Variants in ITPR1 observed in about 807,000 individuals in gnomAD.
ITPR1 encodes inositol 1,4,5-trisphosphate-gated calcium channel ITPR1.
In ITPR1, 96 loss-of-function variants were observed where a neutral mutation model predicts 318.4. The observed-to-expected ratio is 0.30, with a 90% CI of 0.26 to 0.36. The LOEUF (loss-of-function observed/expected upper bound fraction) is 0.36, where lower values mean the gene tolerates loss of function less well. Ranked by LOEUF, ITPR1 falls within the 10% of genes least tolerant of loss-of-function variation. ITPR1 has a pLI of 1.00. For synonymous variants in ITPR1, 1,312 were observed against 1,289.9 expected (o/e 1.02, Z -0.37); for missense variants, 2,440 against 3,460.2 (o/e 0.71, Z 7.40).
intron 61 of ITPR1, among the ~76,000 whole-genome samples, chr3:4,838,204 T>C (rs1360858061): frequency 6.6e-6 from 1 of 152,170 alleles, no homozygotes; most frequent in African/African-American, 2.4e-5. Context: ...AAAAGACTAG[T>C]AGGAAAAGAA....
At chr3:4,647,015 T>A (rs1269750510) in intron 10 of ITPR1, among the ~76,000 whole-genome samples, 1 of 152,116 alleles carries the variant, frequency 6.6e-6, no homozygotes, top group Non-Finnish European at 1.5e-5. Flanking sequence ...AACCAGCACC[T>A]AGAACAAGAA....
At chr3:4,521,861 C>A (rs1289586878) in intron 4 of ITPR1, among the ~76,000 whole-genome samples, 2 of 151,020 alleles carry the variant, frequency 1.3e-5, no homozygotes, top group Non-Finnish European at 2.9e-5. Context: ...CAAAGTGAGA[C>A]CCTGTCTCAA....
At chr3:4,681,622 A>AGAG (rs1491390120) in intron 26 of ITPR1, among the ~76,000 whole-genome samples, 6 of 51,148 alleles carry the variant, frequency 1.2e-4, no homozygotes, top group African/African-American at 4.5e-4. Flanking sequence ...AGAGAGAGAG[A>AGAG]AAGTGTGTGT....
intron 10 of ITPR1, among the ~76,000 whole-genome samples, chr3:4,651,791 C>T (rs17041104): frequency 0.16 from 24,128 of 152,200 alleles, 2,242 homozygotes; most frequent in African/African-American, 0.24. Context: ...CAGTTCTCCA[C>T]GAAAGTCCTT....
intron 2 of ITPR1, among the ~76,000 whole-genome samples, chr3:4,511,785 C>G (rs1199157762): frequency 6.6e-6 from 1 of 152,140 alleles, no homozygotes; most frequent in Non-Finnish European, 1.5e-5. Flanking sequence ...CTGCCATGGG[C>G]TGAGAGGTGC....
Position 4,814,575 on chromosome 3 carries a change from C to T in ITPR1, c.7701+13C>T, listed in dbSNP as rs529991561. 3.6e-5 allele frequency: 43 copies of T among 1,200,942 alleles called. No homozygotes were observed. Among genetic ancestry groups the T allele is most frequent in the Non-Finnish European group, 4.7e-5 (41 of 864,574 alleles). The allele number at this position is 1,200,942 out of a possible 1,614,324, so 74.4% of individuals were successfully genotyped here. On this transcript the variant is annotated intron_variant, in intron 58 of 61. Coordinates refer to ENST00000649015, the MANE Select transcript of ITPR1 (RefSeq NM_001378452.1). ...GCCGTCCAAAGAGGTAAATTAATCC[C>T]GAGGGGAAGGAAGGGCAAAGGGGGC...
At chr3:4,645,797 C>CTG in intron 10 of ITPR1, 69 bp downstream of exon 10, 1 of 1,420,182 alleles carries the variant, frequency 7.0e-7, no homozygotes, top group Non-Finnish European at 9.7e-7. Context: ...CTCTCTCTCT[C>CTG]TCTATCCTAC....
chr3:4,523,979 C>T (rs2082766751), intron 4 of ITPR1, among the ~76,000 whole-genome samples: 1 of 152,170 alleles, frequency 6.6e-6, no homozygotes, highest in African/African-American at 2.4e-5. Context: ...CAGGTGGTCA[C>T]GTGACAGTGA....
intron 4 of ITPR1, among the ~76,000 whole-genome samples, chr3:4,561,518 C>T (rs78044553): frequency 4.7e-3 from 709 of 152,194 alleles, no homozygotes; most frequent in Non-Finnish European, 8.1e-3. Flanking sequence ...GAACGAAACT[C>T]ACTACATTTC....
chr3:4,785,961 G>C (rs2047170185), intron 51 of ITPR1, among the ~76,000 whole-genome samples: 2 of 152,188 alleles, frequency 1.3e-5, no homozygotes, highest in Admixed American at 6.5e-5. Flanking sequence ...TCGATGCAAA[G>C]CCAGGGACAC....
chr3:4,732,759 A>G (rs2043014505), intron 42 of ITPR1, among the ~76,000 whole-genome samples: 1 of 152,178 alleles, frequency 6.6e-6, no homozygotes, highest in East Asian at 1.9e-4. Context: ...AAGCCTTTTC[A>G]ATTTGTCTTA....
intron 60 of ITPR1, among the ~76,000 whole-genome samples, chr3:4,820,319 G>A (rs1454718159): frequency 6.6e-6 from 1 of 152,156 alleles, no homozygotes; most frequent in Admixed American, 6.5e-5. Flanking sequence ...TCTCACCCCT[G>A]ACTTTGTTCT....
intron 24 of ITPR1, among the ~76,000 whole-genome samples, chr3:4,678,489 G>GTACT (rs1193532434): frequency 2.0e-5 from 3 of 152,098 alleles, no homozygotes. Context: ...CTTTCCACGG[G>GTACT]TACTTATTGA....
At chr3:4,776,512 A>G (rs2046496877) in intron 47 of ITPR1, among the ~76,000 whole-genome samples, 1 of 152,164 alleles carries the variant, frequency 6.6e-6, no homozygotes, top group Non-Finnish European at 1.5e-5. Context: ...TCAGAGGAGA[A>G]CGGTTTATGA....
At chr3:4,554,613 G>A (rs2085935913) in intron 4 of ITPR1, among the ~76,000 whole-genome samples, 1 of 152,066 alleles carries the variant, frequency 6.6e-6, no homozygotes, top group Non-Finnish European at 1.5e-5. Context: ...TGTGGCTACA[G>A]GTTACATCAA....
intron 44 of ITPR1, among the ~76,000 whole-genome samples, chr3:4,761,597 T>C (rs1371913285): frequency 6.6e-6 from 1 of 152,232 alleles, no homozygotes; most frequent in Non-Finnish European, 1.5e-5. Flanking sequence ...GTTGAAGGGC[T>C]ACCTCACACC....
At position 4,599,618 on chromosome 3, in the gene ITPR1, G is replaced by A. The variant is rs143578257; in HGVS notation, c.164-28145G>A. 2.6e-5 allele frequency among the ~76,000 whole-genome samples: 4 copies of A among 152,290 alleles called. No homozygotes were observed. The East Asian group carries it at 7.7e-4, about 29-fold the overall frequency. On this transcript the variant is annotated intron_variant, in intron 4 of 61. Transcript: ENST00000649015. ...CAGTTGGGTTTGTGATGCTGTACTTGATTGATGAAAACTGGGAACAAGAGA... is the reference window on the plus strand; with the variant it reads ...CAGTTGGGTTTGTGATGCTGTACTTAATTGATGAAAACTGGGAACAAGAGA...
intron 44 of ITPR1, among the ~76,000 whole-genome samples, chr3:4,738,855 G>T (rs79621767): frequency 0.029 from 4,389 of 152,038 alleles, 75 homozygotes; most frequent in South Asian, 0.052. Flanking sequence ...TTGGGGGAAC[G>T]CAGGGGTGGT....
intron 20 of ITPR1, among the ~76,000 whole-genome samples, chr3:4,672,791 A>G (rs1482484900): frequency 6.6e-6 from 1 of 152,216 alleles, no homozygotes; most frequent in East Asian, 1.9e-4. Flanking sequence ...AGGGAAAGAA[A>G]TAGACAACCA....
Sources: gnomAD v4.1 joint callset for allele counts (sites outside exome capture counted in the v4.1 genomes callset) on GRCh38, gnomAD v4.1.1 for gene constraint, MANE v1.5 for transcripts, NCBI Gene and HGNC (gene_info 2026-07-23, HGNC 2026-07-21) for gene names.